The following FSIP1 variants were observed in gnomAD, a reference collection of about 807,000 sequenced individuals.
The protein encoded by FSIP1 is fibrous sheath interacting protein 1.
In FSIP1, 65 loss-of-function variants were observed where a neutral mutation model predicts 60.9. The ratio of observed to expected loss-of-function variants is 1.07; its 90% CI spans 0.87 to 1.31. The LOEUF (loss-of-function observed/expected upper bound fraction) is 1.31. Among genes scored for constraint, FSIP1 ranks in the 40% most tolerant of loss-of-function variants. The probability of loss-of-function intolerance (pLI) is 0.00; values close to 1 mark genes in which losing one functional copy is unlikely to be tolerated. For missense variants in FSIP1, 675 were observed against 665.5 expected, an observed-to-expected ratio of 1.01 and a Z score of -0.16; for synonymous variants, 209 against 221.2, an observed-to-expected ratio of 0.94 and a Z score of 0.49.
At chr15:39,606,583 C>A (rs944998028) in intron 11 of FSIP1, among the ~76,000 whole-genome samples, 1 of 152,084 alleles carries the variant, frequency 6.6e-6, no homozygotes, top group Non-Finnish European at 1.5e-5. Flanking sequence ...AATTTTGTAT[C>A]CTTTAACCAA....
intron 10 of FSIP1, among the ~76,000 whole-genome samples, chr15:39,673,650 A>G (rs1893809671): frequency 6.6e-6 from 1 of 152,174 alleles, no homozygotes; most frequent in African/African-American, 2.4e-5. Context: ...TTAATGGTCC[A>G]TGCATGGCCT....
At chr15:39,657,574 A>C (rs902307228) in intron 10 of FSIP1, among the ~76,000 whole-genome samples, 1 of 152,210 alleles carries the variant, frequency 6.6e-6, no homozygotes, top group African/African-American at 2.4e-5. Flanking sequence ...AGGAGGCTTA[A>C]ATATTATTTA....
intron 2 of FSIP1, among the ~76,000 whole-genome samples, chr15:39,772,519 T>C (rs1321428198): frequency 1.3e-5 from 2 of 152,034 alleles, no homozygotes; most frequent in African/African-American, 4.8e-5. Flanking sequence ...GGTCTCAAAC[T>C]CCTGGGCTCA....
At position 39,770,582 on chromosome 15, in the gene FSIP1, C is replaced by G. The variant is rs369173704; in HGVS notation, c.155G>C (p.Gly52Ala). The G allele has an allele frequency of 2.6e-6, 4 of 1,559,856 alleles. No individual in the cohort carries two copies. In the African/African-American group the frequency reaches 4.2e-5, roughly 16 times the overall value. Residue 52 changes from glycine (G) to alanine (A), a missense_variant, in exon 3 of 12, where the codon GGT becomes GCT. Transcript: ENST00000350221. ...KVDTASNLNS[G>A]KEDHSESSNT... is the part of the protein sequence containing the mutation. ...ACTGCTTTCGGAGTGGTCCTCTTTA[C>G]CAGAGTTCAAGTTGCTTGCAGTATC... is the stretch of plus-strand genomic sequence containing the variant.
At chr15:39,609,906 C>T (rs1890963509) in intron 11 of FSIP1, among the ~76,000 whole-genome samples, 1 of 152,226 alleles carries the variant, frequency 6.6e-6, no homozygotes, top group African/African-American at 2.4e-5. Context: ...AACAGCAACA[C>T]CAACAGCAAG....
chr15:39,774,548 T>C (rs1164487153), intron 2 of FSIP1, among the ~76,000 whole-genome samples: 1 of 150,788 alleles, frequency 6.6e-6, no homozygotes, highest in East Asian at 1.9e-4. Flanking sequence ...ACAAACAATA[T>C]GGAAGAGCCA....
Position 39,638,788 on chromosome 15 carries a change from A to T in FSIP1, c.1189-20543T>A, listed in dbSNP as rs1203621204. 3.3e-5 allele frequency among the ~76,000 whole-genome samples: 5 copies of T among 150,032 alleles called. 1 individual carries two copies. In the South Asian group the frequency reaches 1.0e-3, roughly 31 times the overall value. ...AGAGACTATACTATTTTCCTATTTC[A>T]TGCACATGTGGGTGCGTGTGTGGGT... On this transcript the variant is annotated intron_variant, in intron 10 of 11. Coordinates refer to ENST00000350221, the MANE Select transcript of FSIP1 (RefSeq NM_152597.5).
At chr15:39,699,280 A>G (rs377257089) in intron 10 of FSIP1, among the ~76,000 whole-genome samples, 2 of 152,218 alleles carry the variant, frequency 1.3e-5, no homozygotes, top group African/African-American at 4.8e-5. Context: ...TACCATAGCT[A>G]TATTTTCACA....
intron 11 of FSIP1, among the ~76,000 whole-genome samples, chr15:39,617,074 A>G (rs1891257440): frequency 6.6e-6 from 1 of 152,254 alleles, no homozygotes; most frequent in African/African-American, 2.4e-5. Context: ...TAAGGAATAG[A>G]TTAATAGATA....
At chr15:39,695,726 T>C (rs1894788098) in intron 10 of FSIP1, among the ~76,000 whole-genome samples, 1 of 152,200 alleles carries the variant, frequency 6.6e-6, no homozygotes, top group African/African-American at 2.4e-5. Context: ...AGGATAATCT[T>C]AGGCCATTGA....
chr15:39,727,072 G>A (rs1475720898), intron 8 of FSIP1, among the ~76,000 whole-genome samples: 1 of 152,194 alleles, frequency 6.6e-6, no homozygotes, highest in Admixed American at 6.5e-5. Context: ...TTTGTGACAT[G>A]TTAAGTAGGA....
chr15:39,597,792 A>G (rs1346916197), downstream of FSIP1: 5 of 152,234 alleles, frequency 3.3e-5, no homozygotes, highest in Non-Finnish European at 7.3e-5. Flanking sequence ...TCCTTTTCAA[A>G]GTGCAGTATG....
At position 39,639,001 on chromosome 15, in the gene FSIP1, A is replaced by T. The variant is rs548140295; in HGVS notation, c.1189-20756T>A. Among the ~76,000 whole-genome samples the T allele has an allele frequency of 7.2e-5, 11 of 152,358 alleles. No homozygotes were observed. The South Asian group carries it at 1.7e-3, about 23-fold the overall frequency. ...TATTAAGAAAAATATAAAGGTATAC[A>T]TTTAGATTTGAAATGTAGTCTATGA... On this transcript the variant is annotated intron_variant, in intron 10 of 11. Transcript: ENST00000350221.
At chr15:39,760,643 G>A (rs1456423920) in intron 5 of FSIP1, among the ~76,000 whole-genome samples, 1 of 152,132 alleles carries the variant, frequency 6.6e-6, no homozygotes, top group African/African-American at 2.4e-5. Flanking sequence ...GACAGACAAG[G>A]AAAGACTGAG....
At chr15:39,773,638 G>A (rs1295060183) in intron 2 of FSIP1, among the ~76,000 whole-genome samples, 1 of 152,176 alleles carries the variant, frequency 6.6e-6, no homozygotes, top group African/African-American at 2.4e-5. Context: ...AAAATTTGCA[G>A]CCTGGACAAC....
At chr15:39,654,476 A>G (rs954761118) in intron 10 of FSIP1, among the ~76,000 whole-genome samples, 1 of 152,228 alleles carries the variant, frequency 6.6e-6, no homozygotes, top group Admixed American at 6.5e-5. Context: ...TCCTTATGTG[A>G]TACCTGTGTA....
intron 7 of FSIP1, among the ~76,000 whole-genome samples, chr15:39,739,124 G>T (rs1327255874): frequency 1.3e-5 from 2 of 152,146 alleles, no homozygotes; most frequent in Non-Finnish European, 2.9e-5. Flanking sequence ...CAGGCTGCAA[G>T]GCCTGTAAGA....
intron 10 of FSIP1, among the ~76,000 whole-genome samples, chr15:39,653,366 C>T (rs900434061): frequency 2.0e-5 from 3 of 151,940 alleles, no homozygotes; most frequent in African/African-American, 7.2e-5. Context: ...TTAAATATTT[C>T]TTTTTTCAAT....
At chr15:39,726,794 G>A (rs1595667408) in intron 8 of FSIP1, 47 bp from the exon 9 acceptor site, 2 of 1,571,294 alleles carry the variant, frequency 1.3e-6, no homozygotes, top group East Asian at 2.2e-5. Flanking sequence ...CTATATTTTT[G>A]CCAAAATATA....
Sources: allele counts gnomAD v4.1 joint callset (sites outside exome capture counted in the v4.1 genomes callset), GRCh38; gene constraint gnomAD v4.1.1; transcripts MANE v1.5; gene names NCBI Gene and HGNC (gene_info 2026-07-23, HGNC 2026-07-21).